Variants in UNC13C observed in about 807,000 individuals in gnomAD.
UNC13C encodes unc-13 homolog C, also known as protein unc-13 homolog C.
In UNC13C, 174 loss-of-function variants were observed where a neutral mutation model predicts 245.4. That is an observed-to-expected ratio of 0.71 (90% CI 0.63 to 0.80). The LOEUF (loss-of-function observed/expected upper bound fraction) is 0.80. Ranked by LOEUF, UNC13C falls within the 30% of genes least tolerant of loss-of-function variation. The probability of loss-of-function intolerance (pLI) is 0.00; values close to 1 mark genes in which losing one functional copy is unlikely to be tolerated. For missense variants in UNC13C, 2,829 were observed against 2,602.9 expected, an observed-to-expected ratio of 1.09 and a Z score of -1.89; for synonymous variants, 992 against 895.1, an observed-to-expected ratio of 1.11 and a Z score of -1.93.
chr15:53,913,912 T>C, the UNC13C span: 2 of 152,204 alleles, frequency 1.3e-5, no homozygotes, highest in Non-Finnish European at 2.9e-5. Flanking sequence ...AAACCAGGTG[T>C]AGGCAAAGTA....
At chr15:54,551,653 A>AT (rs1384677233) in intron 28 of UNC13C, among the ~76,000 whole-genome samples, 1 of 152,090 alleles carries the variant, frequency 6.6e-6, no homozygotes, top group Non-Finnish European at 1.5e-5. Context: ...ACCTAACAGG[A>AT]TTATTTCAAC....
Position 54,322,028 on chromosome 15 carries a change from C to T in UNC13C, c.4358C>T (p.Ala1453Val). The T allele has an allele frequency of 6.3e-7, 1 of 1,591,052 alleles. No individual in the cohort carries two copies. Among genetic ancestry groups the T allele is most frequent in the Non-Finnish European group, 8.6e-7 (1 of 1,167,420 alleles). ...CTGGCTAATATAAATGCTTTTTATG[C>T]TCACACAACAGTTTCAACAAACATA... Reference protein sequence around the residue: ...TLLANINAFYAHTTVSTNIQV... With the variant: ...TLLANINAFYVHTTVSTNIQV... Residue 1453 changes from alanine (A) to valine (V), a missense_variant, in exon 14 of 33, where the codon GCT becomes GTT. Physicochemically the swap from Ala to Val is moderately conservative, Grantham distance 64. Transcript: ENST00000260323.
intron 19 of UNC13C, among the ~76,000 whole-genome samples, chr15:54,451,798 GT>G (rs766077334): frequency 4.3e-4 from 66 of 152,008 alleles, no homozygotes; most frequent in Non-Finnish European, 8.2e-4. Context: ...CAGAATTATT[GT>G]GTTTTTTTGG....
chr15:53,966,762 C>G, the UNC13C span, among the ~76,000 whole-genome samples: 7,124 of 151,900 alleles, frequency 0.047, 270 homozygotes, highest in African/African-American at 0.1. Flanking sequence ...CAACATATCT[C>G]AATTTTTTTG....
intron 2 of UNC13C, among the ~76,000 whole-genome samples, chr15:54,065,718 C>T (rs937850324): frequency 8.5e-5 from 13 of 152,144 alleles, no homozygotes; most frequent in African/African-American, 2.4e-4. Context: ...GGGTCCAGTC[C>T]GTTCCATTGG....
intron 20 of UNC13C, 70 bp from the exon 21 acceptor site, chr15:54,500,009 G>T (rs1894128177): frequency 1.0e-5 from 12 of 1,153,860 alleles, no homozygotes; most frequent in Non-Finnish European, 1.5e-5. Flanking sequence ...TATGCAAAAA[G>T]AGCAGCATTC....
chr15:53,940,537 G>T, the UNC13C span, among the ~76,000 whole-genome samples: 1 of 152,114 alleles, frequency 6.6e-6, no homozygotes. Context: ...ATCTTTGTTT[G>T]CAGGTGACAT....
chr15:53,884,365 G>A, the UNC13C span, among the ~76,000 whole-genome samples: 1 of 152,056 alleles, frequency 6.6e-6, no homozygotes, highest in Admixed American at 6.6e-5. Context: ...GCCTTGTTCT[G>A]TCATCCAGGC....
intron 2 of UNC13C, among the ~76,000 whole-genome samples, chr15:54,036,987 G>A (rs1396721287): frequency 1.3e-5 from 2 of 152,226 alleles, no homozygotes; most frequent in African/African-American, 4.8e-5. Context: ...GGGCAGGAAT[G>A]CCAAGAAAAT....
In UNC13C at chr15:54,555,502, C is replaced by A. The variant is rs1298222317; in HGVS notation, c.5948C>A (p.Ala1983Asp). 2.5e-6 allele frequency: 4 copies of A among 1,611,332 alleles called. No homozygotes were observed. In the East Asian group the frequency reaches 8.9e-5, roughly 36 times the overall value. ...TGCGCTATAATGGAGGTAGTCCTGGCTACCATCAAGGTGAGATTATAATGC... is the reference window on the plus strand; with the variant it reads ...TGCGCTATAATGGAGGTAGTCCTGGATACCATCAAGGTGAGATTATAATGC... ...RQCAIMEVVL[A>D]TIKQYFHAGG... The change falls in exon 29 of 33, where the codon GCT becomes GAT. Residue 1983 changes from alanine (A) to aspartate (D), a missense_variant. By Grantham distance (126) the Ala-to-Asp change is moderately radical. Coordinates refer to ENST00000260323, the MANE Select transcript of UNC13C (RefSeq NM_001080534.3).
At chr15:54,127,917 C>T (rs2031165618) in intron 2 of UNC13C, among the ~76,000 whole-genome samples, 3 of 151,272 alleles carry the variant, frequency 2.0e-5, no homozygotes, top group Admixed American at 6.6e-5. Flanking sequence ...AAGTCCTAGC[C>T]AGAGCAGTCA....
rs1895463920 is a variant in UNC13C, at chr15:54,013,205, G to A, written c.302G>A (p.Gly101Asp). 2 of 1,613,618 alleles carry A rather than the reference G, an allele frequency of 1.2e-6. No homozygotes were observed. The highest frequency in any genetic ancestry group is 2.7e-5 in the African/African-American group (2 of 74,884). Residue 101 changes from glycine to aspartate, a missense_variant, in exon 2 of 33, where the codon GGC becomes GAC. Transcript: ENST00000260323. ...TFSYRVAIAN[G>D]LQKNAKVTNS... The stretch of plus-strand genomic sequence containing the variant: ...AGTTACCGAGTAGCTATTGCCAATG[G>A]CCTACAAAAGAATGCTAAAGTAACC...
chr15:54,038,124 A>ATATATATATATAT, intron 2 of UNC13C, among the ~76,000 whole-genome samples: 1 of 45,040 alleles, frequency 2.2e-5, no homozygotes, highest in South Asian at 1.2e-3. Context: ...ATATATATAT[A>ATATATATATATAT]TTTTTTTTTT....
intron 20 of UNC13C, among the ~76,000 whole-genome samples, chr15:54,497,283 A>T (rs1482140175): frequency 3.3e-5 from 5 of 152,164 alleles, no homozygotes; most frequent in Non-Finnish European, 5.9e-5. Flanking sequence ...TGAGTCCTGT[A>T]TTTTGTTGCA....
chr15:54,352,015 AAG>A (rs1388804387), intron 17 of UNC13C, among the ~76,000 whole-genome samples: 1 of 151,858 alleles, frequency 6.6e-6, no homozygotes, highest in Non-Finnish European at 1.5e-5. Flanking sequence ...AAGTAATTAA[AAG>A]AGAGAAATAT....
At chr15:53,919,252 A>G in the UNC13C span, among the ~76,000 whole-genome samples, 2 of 152,212 alleles carry the variant, frequency 1.3e-5, no homozygotes, top group South Asian at 4.1e-4. Flanking sequence ...GGGGTTAATC[A>G]TAATGCCTAA....
chr15:54,217,922 C>A (rs2035091492), intron 4 of UNC13C, among the ~76,000 whole-genome samples: 1 of 151,892 alleles, frequency 6.6e-6, no homozygotes, highest in African/African-American at 2.4e-5. Context: ...TAAAACAGAA[C>A]CATGGACTAC....
intron 13 of UNC13C, among the ~76,000 whole-genome samples, chr15:54,309,974 C>T (rs150654517): frequency 2.3e-3 from 343 of 151,924 alleles, no homozygotes; most frequent in Admixed American, 6.9e-3. Flanking sequence ...TCTTCTGACA[C>T]TAGCACCATT....
chr15:54,195,559 A>C (rs976225681), intron 4 of UNC13C, among the ~76,000 whole-genome samples: 7 of 152,166 alleles, frequency 4.6e-5, no homozygotes, highest in African/African-American at 1.7e-4. Context: ...CAATGAATAC[A>C]GCATTAATGT....
Sources: gnomAD v4.1 joint callset for allele counts (sites outside exome capture counted in the v4.1 genomes callset) on GRCh38, gnomAD v4.1.1 for gene constraint, MANE v1.5 for transcripts, NCBI Gene and HGNC (gene_info 2026-07-23, HGNC 2026-07-21) for gene names.